The following CADM2 variants were observed in gnomAD, a reference collection of about 807,000 sequenced individuals.
The protein encoded by CADM2 is immunoglobulin superfamily member 4D.
Under a neutral mutation model 49.8 loss-of-function variants are expected in CADM2, and 12 were observed. That is an observed-to-expected ratio of 0.24 (90% CI 0.15 to 0.39). The LOEUF (loss-of-function observed/expected upper bound fraction) is 0.39. CADM2 is among the 10% of genes least tolerant of loss of function. CADM2 has a pLI of 1.00. For missense variants in CADM2, 378 were observed against 492.3 expected (o/e 0.77, Z 2.20); for synonymous variants, 214 against 175.4 (o/e 1.22, Z -1.74).
intron 3 of CADM2, among the ~76,000 whole-genome samples, chr3:85,836,557 A>G (rs2074418004): frequency 6.6e-6 from 1 of 151,596 alleles, no homozygotes; most frequent in Non-Finnish European, 1.5e-5. Context: ...CCTCTTAACT[A>G]TATGACAAAA....
At chr3:85,915,455 G>A (rs1283602556) in intron 6 of CADM2, among the ~76,000 whole-genome samples, 7 of 152,100 alleles carry the variant, frequency 4.6e-5, no homozygotes, top group East Asian at 3.9e-4. Flanking sequence ...CTTTAAGCGT[G>A]CAGAACATTC....
chr3:85,224,568 G>A (rs888564563), intron 1 of CADM2, among the ~76,000 whole-genome samples: 5 of 152,156 alleles, frequency 3.3e-5, no homozygotes, highest in African/African-American at 4.8e-5. Context: ...TCACTCTGAT[G>A]ATAGTTTCTT....
chr3:85,093,199 C>T (rs1043903026), intron 1 of CADM2, among the ~76,000 whole-genome samples: 57 of 152,188 alleles, frequency 3.7e-4, no homozygotes, highest in Middle Eastern at 3.4e-3. Flanking sequence ...TAATTTCATT[C>T]TTTCATAATA....
At chr3:85,631,607 TTC>T (rs1412750382) in intron 1 of CADM2, among the ~76,000 whole-genome samples, 26 of 152,166 alleles carry the variant, frequency 1.7e-4, no homozygotes, top group Non-Finnish European at 2.9e-4. Context: ...GACAGTTAAT[TTC>T]TCCCACGAAT....
At chr3:85,081,720 A>C (rs1482435517) in intron 1 of CADM2, among the ~76,000 whole-genome samples, 2 of 152,136 alleles carry the variant, frequency 1.3e-5, no homozygotes, top group African/African-American at 4.8e-5. Context: ...GCTCCACTCC[A>C]GGGCATCGAG....
At chr3:85,367,584 G>A (rs1232756792) in intron 1 of CADM2, among the ~76,000 whole-genome samples, 2 of 151,584 alleles carry the variant, frequency 1.3e-5, no homozygotes, top group African/African-American at 4.8e-5. Flanking sequence ...TTACTTAATG[G>A]GTTAATTAAA....
At chr3:86,043,634 T>C (rs1342956927) in intron 8 of CADM2, among the ~76,000 whole-genome samples, 2 of 152,108 alleles carry the variant, frequency 1.3e-5, no homozygotes, top group Admixed American at 6.6e-5. Context: ...GGCCATACTG[T>C]CCAAGGTAAT....
At chr3:85,055,589 A>C (rs1363845087) in intron 1 of CADM2, among the ~76,000 whole-genome samples, 2 of 152,036 alleles carry the variant, frequency 1.3e-5, no homozygotes, top group Non-Finnish European at 2.9e-5. Flanking sequence ...TTGAGCTTTT[A>C]TGATAGGTTT....
chr3:85,524,456 T>C (rs2061111223), intron 1 of CADM2, among the ~76,000 whole-genome samples: 1 of 152,134 alleles, frequency 6.6e-6, no homozygotes, highest in Admixed American at 6.5e-5. Flanking sequence ...AATAGTTGGA[T>C]ATTACTAAAA....
chr3:85,693,580 A>G lies in CADM2; in HGVS notation c.62-32942A>G, dbSNP rs1336210560. ...CGGCGAAAGAGCAAAAAAAAAAAAA[A>G]AAAAGAAAAGAAAAAATCAGAAGGA... On this transcript the variant is annotated intron_variant, in intron 1 of 9. Coordinates refer to ENST00000383699, the MANE Select transcript of CADM2 (RefSeq NM_001167675.2). Among the ~76,000 whole-genome samples, 11 of 147,538 alleles carry G rather than the reference A, an allele frequency of 7.5e-5. No individual in the cohort carries two copies. In the East Asian group the frequency reaches 1.0e-3, roughly 14 times the overall value.
At chr3:84,991,955 G>A (rs2032915111) in intron 1 of CADM2, among the ~76,000 whole-genome samples, 1 of 152,144 alleles carries the variant, frequency 6.6e-6, no homozygotes, top group African/African-American at 2.4e-5. Flanking sequence ...GTAAAACCAT[G>A]GAGACAGTAA....
At chr3:85,680,446 C>T (rs1250710861) in intron 1 of CADM2, among the ~76,000 whole-genome samples, 1 of 152,066 alleles carries the variant, frequency 6.6e-6, no homozygotes, top group Non-Finnish European at 1.5e-5. Context: ...CCCATATAAT[C>T]CGTCTCCAGT....
At chr3:85,371,984 T>C (rs2033273546) in intron 1 of CADM2, among the ~76,000 whole-genome samples, 10 of 151,808 alleles carry the variant, frequency 6.6e-5, no homozygotes, top group African/African-American at 2.2e-4. Context: ...TTTTTTGTTC[T>C]CTCTGTCTCC....
At chr3:85,226,453 G>A (rs1349631584) in intron 1 of CADM2, among the ~76,000 whole-genome samples, 1 of 152,040 alleles carries the variant, frequency 6.6e-6, no homozygotes. Flanking sequence ...GTATTTCTGT[G>A]GGACTGGGGG....
At chr3:85,586,252 AAC>A (rs2062943384) in intron 1 of CADM2, among the ~76,000 whole-genome samples, 1 of 152,098 alleles carries the variant, frequency 6.6e-6, no homozygotes, top group Non-Finnish European at 1.5e-5. Context: ...GCTGAGACAA[AAC>A]AGTTTCACAG....
Position 86,014,403 on chromosome 3 carries a change from G to T in CADM2, c.971-51202G>T, listed in dbSNP as rs1161442919. 2.7e-6 allele frequency: 4 copies of T among 1,474,894 alleles called. No homozygotes were observed. In the East Asian group the frequency reaches 9.3e-5, roughly 34 times the overall value. The allele number at this position is 1,474,894 out of a possible 1,614,324, so 91.4% of individuals were successfully genotyped here. A position where few individuals can be genotyped will look rare whatever the true frequency, so the allele number is the denominator to read the frequency against. ...GACTGTAGTACTGCATTTACTCAACGAAGTGATGGAAAATATTGAAGTTTA... is the reference window on the plus strand; with the variant it reads ...GACTGTAGTACTGCATTTACTCAACTAAGTGATGGAAAATATTGAAGTTTA... On this transcript the variant is annotated intron_variant, in intron 8 of 9. Coordinates refer to ENST00000383699, the MANE Select transcript of CADM2 (RefSeq NM_001167675.2).
intron 1 of CADM2, among the ~76,000 whole-genome samples, chr3:85,087,863 G>GT (rs2037443890): frequency 6.6e-6 from 1 of 152,008 alleles, no homozygotes; most frequent in South Asian, 2.1e-4. Context: ...AACTGCCCCA[G>GT]TTTTTTCCAA....
At chr3:85,522,229 A>G (rs529698414) in intron 1 of CADM2, among the ~76,000 whole-genome samples, 23 of 152,160 alleles carry the variant, frequency 1.5e-4, no homozygotes, top group Admixed American at 3.9e-4. Context: ...TTGTTCATTC[A>G]CCTTGCCCAA....
At position 86,068,606 on chromosome 3, in the gene CADM2, T is replaced by C. The variant is rs1322835469; in HGVS notation, c.*1823T>C. On this transcript the variant is annotated 3_prime_UTR_variant, in exon 10 of 10. Coordinates refer to ENST00000383699, the MANE Select transcript of CADM2 (RefSeq NM_001167675.2). ...TCTTTGATTATTTATCAAAAAAGTA[T>C]AAATCTTTTAAGGAAAATGTTAGAA... 1 of 152,154 alleles carries C rather than the reference T, an allele frequency of 6.6e-6. No homozygotes were observed. The highest frequency in any genetic ancestry group is 1.5e-5 in the Non-Finnish European group (1 of 67,858). The allele number at this position is 152,154 out of a possible 1,614,324, so 9.4% of individuals were successfully genotyped here. A position where few individuals can be genotyped will look rare whatever the true frequency, so the allele number is the denominator to read the frequency against.
Sources: gnomAD v4.1 joint callset for allele counts (sites outside exome capture counted in the v4.1 genomes callset) on GRCh38, gnomAD v4.1.1 for gene constraint, MANE v1.5 for transcripts, NCBI Gene and HGNC (gene_info 2026-07-23, HGNC 2026-07-21) for gene names.